Variants in IL11RA observed in about 807,000 individuals in gnomAD.
The protein encoded by IL11RA is interleukin 11 receptor subunit alpha, also known as interleukin-11 receptor subunit alpha.
In IL11RA, 51 loss-of-function variants were observed where a neutral mutation model predicts 57.0. That is an observed-to-expected ratio of 0.89 (90% CI 0.71 to 1.13). IL11RA has a LOEUF of 1.13. Among genes scored for constraint, IL11RA ranks in the 50% most tolerant of loss-of-function variants. The pLI is 0.00. For synonymous variants in IL11RA, 199 were observed against 217.5 expected, an observed-to-expected ratio of 0.91 and a Z score of 0.75; for missense variants, 498 against 539.4, an observed-to-expected ratio of 0.92 and a Z score of 0.76.
Position 34,658,718 on chromosome 9 carries a change from G to A in IL11RA, c.810+35G>A, listed in dbSNP as rs1821397568. The A allele has an allele frequency of 1.2e-6, 2 of 1,604,504 alleles. No homozygotes were observed. The highest frequency in any genetic ancestry group is 1.3e-5 in the African/African-American group (1 of 74,876). On this transcript the variant is annotated intron_variant, in intron 8 of 12. Transcript: ENST00000441545. The surrounding 1 kb of genome is among the most constrained non-coding windows in gnomAD (Gnocchi z 4.0). The stretch of plus-strand genomic sequence containing the variant: ...GGAGTGCGTCCCAACCCACGGCTGT[G>A]GGTCCTGTCTCTGATTTCACGATCC...
At chr9:34,660,792 C>G in intron 11 of IL11RA, 62 bp from the exon 12 acceptor site, 1 of 1,451,724 alleles carries the variant, frequency 6.9e-7, no homozygotes, top group East Asian at 2.3e-5. Context: ...ACTAATAAAC[C>G]CTTTGGCGGA....
Position 34,660,856 on chromosome 9 carries a change from T to G in IL11RA, c.1172T>G (p.Leu391Arg), listed in dbSNP as rs1171335960. ...ACAGCTGCCTTTCTATGCCCCAGGC[T>G]GAGGCTGAGACGGGGTGGGAAGGAT... Reference protein sequence around the residue: ...VAGALALGLWLRLRRGGKDGS... With the variant: ...VAGALALGLWRRLRRGGKDGS... The change falls in exon 12 of 13, where the codon CTG (leucine) becomes CGG (arginine). Residue 391 changes from leucine to arginine, a missense_variant and splice_region_variant. Transcript: ENST00000441545. 6.2e-7 allele frequency: 1 copy of G among 1,614,098 alleles called. No homozygotes were observed. The highest frequency in any genetic ancestry group is 1.3e-5 in the African/African-American group (1 of 75,048).
At chr9:34,661,391 C>A in intron 12 of IL11RA, 91 bp from the exon 13 acceptor site, 3 of 1,387,754 alleles carry the variant, frequency 2.2e-6, no homozygotes, top group Non-Finnish European at 2.1e-6. Flanking sequence ...GAGTGTTAAG[C>A]TTAGAACTGA....
Position 34,660,897 on chromosome 9 carries a change from G to A in IL11RA, c.1213G>A (p.Gly405Arg). Reference sequence around the variant, plus strand: ...TGGGAAGGATGGATCCCCAAAGCCTGGGTTCTTGGCCTCAGTGATTCCAGT... The same window carrying A: ...TGGGAAGGATGGATCCCCAAAGCCTAGGTTCTTGGCCTCAGTGATTCCAGT... ...RGGKDGSPKP[G>R]FLASVIPVDR... is the part of the protein sequence containing the mutation. The change falls in exon 12 of 13, where the codon GGG becomes AGG. Residue 405 changes from glycine to arginine, a missense_variant. By Grantham distance (125) the Gly-to-Arg change is moderately radical. Transcript: ENST00000441545. The A allele has an allele frequency of 6.2e-7, 1 of 1,614,162 alleles. No individual in the cohort carries two copies. Among genetic ancestry groups the A allele is most frequent in the Non-Finnish European group, 8.5e-7 (1 of 1,180,016 alleles).
chr9:34,655,206 C>A lies in IL11RA; in HGVS notation c.1-12C>A. On this transcript the variant is annotated splice_polypyrimidine_tract_variant and intron_variant, in intron 1 of 12. Transcript: ENST00000441545. ...AGGGGTCGGGGATTTTTGACTCTAC[C>A]TCTCCCCACAGATGAGCAGCAGCTG... 1 of 1,593,660 alleles carries A rather than the reference C, an allele frequency of 6.3e-7. No homozygotes were observed. The highest frequency in any genetic ancestry group is 8.6e-7 in the Non-Finnish European group (1 of 1,163,606).
At position 34,660,342 on chromosome 9, in the gene IL11RA, G is replaced by A. The variant is rs1456445631; in HGVS notation, c.1021G>A (p.Asp341Asn). ...HTQPEVEPQV[D>N]SPAPPRPSLQ... ...GCAGCCAGAGGTGGAGCCTCAGGTG[G>A]ACAGCCCTGCTCCTCCAAGGCCCTC... Residue 341 changes from aspartate (D) to asparagine (N), a missense_variant, in exon 10 of 13, where the codon GAC (aspartate) becomes AAC (asparagine). Asp to Asn is a conservative substitution (Grantham distance 23, BLOSUM62 1). Transcript: ENST00000441545. The A allele has an allele frequency of 6.2e-7, 1 of 1,614,100 alleles. No homozygotes were observed. Among genetic ancestry groups the A allele is most frequent in the African/African-American group, 1.3e-5 (1 of 74,942 alleles).
Position 34,661,590 on chromosome 9 carries a change from G to C in IL11RA, c.*92G>C. 7.4e-7 allele frequency: 1 copy of C among 1,348,028 alleles called. No individual in the cohort carries two copies. Among genetic ancestry groups the C allele is most frequent in the Non-Finnish European group, 1.1e-6 (1 of 937,720 alleles). 83.5% of individuals were successfully genotyped at this position (1,348,028 alleles called of 1,614,324 possible). On this transcript the variant is annotated 3_prime_UTR_variant, in exon 13 of 13. Coordinates refer to ENST00000441545, the MANE Select transcript of IL11RA (RefSeq NM_001142784.3). ...GCAGGACAGTAGATCCCTATGGTTG[G>C]ATCTCAGCTGGAAGTTCTGTTTGGA...
At chr9:34,655,415 G>A in intron 2 of IL11RA, 98 bp downstream of exon 2, 1 of 871,256 alleles carries the variant, frequency 1.1e-6, no homozygotes, top group Non-Finnish European at 1.9e-6. Flanking sequence ...CACCACCCCT[G>A]CTCCTGTCAT....
intron 7 of IL11RA, among the ~76,000 whole-genome samples, chr9:34,657,819 A>G (rs1202589461): frequency 6.6e-6 from 1 of 152,208 alleles, no homozygotes; most frequent in Non-Finnish European, 1.5e-5. Flanking sequence ...TTGGCTGCCT[A>G]GCCTCAGAGC....
At chr9:34,661,083 G>C in intron 12 of IL11RA, 147 bp downstream of exon 12, 1 of 737,568 alleles carries the variant, frequency 1.4e-6, no homozygotes, top group South Asian at 1.5e-5. Context: ...TAGGCTGAGG[G>C]CTGGGCCTTT....
rs1035783920 is a variant in IL11RA, at chr9:34,653,149, G to C, written c.-1+916G>C. Among the ~76,000 whole-genome samples the C allele has an allele frequency of 6.6e-6, 1 of 152,182 alleles. No individual in the cohort carries two copies. The highest frequency in any genetic ancestry group is 2.4e-5 in the African/African-American group (1 of 41,436). On this transcript the variant is annotated intron_variant, in intron 1 of 12. Transcript: ENST00000441545. The surrounding 1 kb of genome is among the most constrained non-coding windows in gnomAD (Gnocchi z 4.5). The stretch of plus-strand genomic sequence containing the variant: ...GGCTAAGAGCTCCCTGAGAGAGGGG[G>C]CTTAGACCATGATGAAGAGTTGCTT...
chr9:34,654,884 G>C (rs1821312441), intron 1 of IL11RA, among the ~76,000 whole-genome samples: 1 of 152,188 alleles, frequency 6.6e-6, no homozygotes, highest in Admixed American at 6.5e-5. Context: ...CCAGGGGTGG[G>C]CGCCAAGGGC....
intron 1 of IL11RA, chr9:34,654,933 G>T: frequency 2.6e-6 from 1 of 388,902 alleles, no homozygotes. Context: ...GTTGCCTCCG[G>T]CTTTTGTTCT....
chr9:34,655,119 A>C, intron 1 of IL11RA, 99 bp from the exon 2 acceptor site: 1 of 831,644 alleles, frequency 1.2e-6, no homozygotes, highest in Non-Finnish European at 2.0e-6. Flanking sequence ...TTGGTGCATC[A>C]ATTTTTCTCC....
rs772432594 is a variant in IL11RA at position 34,658,493 on chromosome 9, C to A, written c.647-27C>A. The A allele has an allele frequency of 6.2e-7, 1 of 1,613,514 alleles. No individual in the cohort carries two copies. Among genetic ancestry groups the A allele is most frequent in the Non-Finnish European group, 8.5e-7 (1 of 1,179,582 alleles). ...GAAGTGATGGAGACCCATAGCCTAC[C>A]CTGACTTTGTGTCTTGATGCCCTTA... On this transcript the variant is annotated intron_variant, in intron 7 of 12. Coordinates refer to ENST00000441545, the MANE Select transcript of IL11RA (RefSeq NM_001142784.3). This position sits in a 1 kb window ranked among gnomAD's most constrained non-coding sequence, Gnocchi z 4.0.
Position 34,659,840 on chromosome 9 carries a change from T to C in IL11RA, c.892T>C (p.Phe298Leu), listed in dbSNP as rs541688071. 1.9e-6 allele frequency: 3 copies of C among 1,614,156 alleles called. No individual in the cohort carries two copies. Among genetic ancestry groups the C allele is most frequent in the Non-Finnish European group, 2.5e-6 (3 of 1,179,982 alleles). ...PHAVRVSARD[F>L]LDAGTWSTWS... is the part of the protein sequence containing the mutation. ...TGCTGTACGAGTCAGTGCCCGGGACTTTCTAGATGCTGGCACCTGGAGCAC... is the reference window on the plus strand; with the variant it reads ...TGCTGTACGAGTCAGTGCCCGGGACCTTCTAGATGCTGGCACCTGGAGCAC... The change falls in exon 9 of 13, where the codon TTT becomes CTT. Residue 298 changes from phenylalanine (F) to leucine (L), a missense_variant. Coordinates refer to ENST00000441545, the MANE Select transcript of IL11RA (RefSeq NM_001142784.3).
In IL11RA at chr9:34,659,568, C is replaced by CT. The variant is rs149508648; in HGVS notation, c.811-190dup. 3.4e-3 allele frequency among the ~76,000 whole-genome samples: 524 copies of CT among 152,320 alleles called. 3 individuals are homozygous for CT. The highest frequency in any genetic ancestry group is 0.012 in the African/African-American group (491 of 41,566). On this transcript the variant is annotated intron_variant, in intron 8 of 12. Transcript: ENST00000441545. ...CAGGCTGCCTGATGCCACAGCCTCT[C>CT]TAAGTAATCACTACTGCCGTCTTAC...
At position 34,658,667 on chromosome 9, in the gene IL11RA, ATCCAGCC is replaced by A. The variant is rs754990368; in HGVS notation, c.796_802del (p.Pro266GlyfsTer12). The A allele has an allele frequency of 6.2e-7, 1 of 1,613,244 alleles. No homozygotes were observed. The highest frequency in any genetic ancestry group is 2.2e-5 in the East Asian group (1 of 44,864). ...CGTTTGCAGTACCGTCCGGCGCAGC[ATCCAGCC>A]TGGTCCACGGTGAGGCCTGGAGTGC... On this transcript the variant is annotated frameshift_variant, in exon 8 of 13. Transcript: ENST00000441545. LOFTEE classifies it high-confidence loss of function. The surrounding 1 kb of genome is among the most constrained non-coding windows in gnomAD (Gnocchi z 4.0).
At chr9:34,660,640 C>A in intron 11 of IL11RA, 40 bp downstream of exon 11, 2 of 1,519,368 alleles carry the variant, frequency 1.3e-6, no homozygotes, top group Non-Finnish European at 1.8e-6. Flanking sequence ...CTGATCCTCA[C>A]ACATGCTCTG....
Sources: gnomAD v4.1 joint callset for allele counts (sites outside exome capture counted in the v4.1 genomes callset) on GRCh38, gnomAD v4.1.1 for gene constraint, Gnocchi (gnomAD v3.1) non-coding constraint, MANE v1.5 for transcripts, NCBI Gene and HGNC (gene_info 2026-07-23, HGNC 2026-07-21) for gene names.